The following PAK5 variants were observed in gnomAD, a reference collection of about 807,000 sequenced individuals.
The protein encoded by PAK5 is p21 (RAC1) activated kinase 5, also known as serine/threonine-protein kinase PAK 5.
PAK5 carries 16 observed loss-of-function variants against 65.9 expected under a neutral mutation model. The ratio of observed to expected loss-of-function variants is 0.24; its 90% CI spans 0.16 to 0.37. The LOEUF (loss-of-function observed/expected upper bound fraction) is 0.37. PAK5 is among the 10% of genes least tolerant of loss of function. The probability of loss-of-function intolerance (pLI) is 1.00; values close to 1 mark genes in which losing one functional copy is unlikely to be tolerated. For synonymous variants in PAK5, 371 were observed against 354.9 expected (o/e 1.05, Z -0.51); for missense variants, 785 against 903.9 (o/e 0.87, Z 1.69).
intron 2 of PAK5, among the ~76,000 whole-genome samples, chr20:9,678,890 T>C (rs1396243529): frequency 6.6e-6 from 1 of 152,150 alleles, no homozygotes. Context: ...CAATTCAAAA[T>C]GAGATTTGGG....
chr20:9,576,045 C>A (rs1182672554), intron 4 of PAK5, among the ~76,000 whole-genome samples: 2 of 152,234 alleles, frequency 1.3e-5, no homozygotes, highest in Admixed American at 6.5e-5. Flanking sequence ...ACACAGTAAC[C>A]CTCACCTCAC....
At chr20:9,581,417 C>A (rs1308259183) in intron 3 of PAK5, among the ~76,000 whole-genome samples, 1 of 152,080 alleles carries the variant, frequency 6.6e-6, no homozygotes, top group African/African-American at 2.4e-5. Flanking sequence ...ATTAACATAA[C>A]TAGAAATGGG....
At chr20:9,583,511 T>C (rs2031716510) in intron 3 of PAK5, among the ~76,000 whole-genome samples, 1 of 152,250 alleles carries the variant, frequency 6.6e-6, no homozygotes. Context: ...TAAGTTAGTG[T>C]CTTTTTTCCT....
intron 3 of PAK5, among the ~76,000 whole-genome samples, chr20:9,630,277 T>C (rs1424982240): frequency 3.9e-5 from 6 of 152,210 alleles, no homozygotes; most frequent in African/African-American, 9.6e-5. Flanking sequence ...AGTGAGACTG[T>C]AGAGCTCTTT....
At chr20:9,563,448 G>C (rs553035124) in intron 5 of PAK5, among the ~76,000 whole-genome samples, 1 of 152,312 alleles carries the variant, frequency 6.6e-6, no homozygotes, top group South Asian at 2.1e-4. Context: ...AGTCCCACAA[G>C]TGAATGAAGT....
At chr20:9,783,516 A>C (rs2048963487) in intron 1 of PAK5, among the ~76,000 whole-genome samples, 1 of 152,172 alleles carries the variant, frequency 6.6e-6, no homozygotes, top group African/African-American at 2.4e-5. Context: ...GGGAACTCTA[A>C]GAACTTCTCT....
At chr20:9,831,815 T>C (rs1401381730) in intron 1 of PAK5, among the ~76,000 whole-genome samples, 1 of 152,178 alleles carries the variant, frequency 6.6e-6, no homozygotes, top group African/African-American at 2.4e-5. Context: ...GCCTACTACA[T>C]TTTTTAAAAT....
At chr20:9,814,804 C>T (rs2049337920) in intron 1 of PAK5, among the ~76,000 whole-genome samples, 1 of 152,120 alleles carries the variant, frequency 6.6e-6, no homozygotes, top group African/African-American at 2.4e-5. Context: ...GGGTGGACAC[C>T]TGGAAGTCAT....
intron 1 of PAK5, among the ~76,000 whole-genome samples, chr20:9,766,875 T>G (rs889066090): frequency 6.6e-6 from 1 of 151,798 alleles, no homozygotes; most frequent in African/African-American, 2.4e-5. Context: ...AAGCTATATA[T>G]GCCTAACAAT....
chr20:9,674,595 G>T (rs1255955664), intron 2 of PAK5, among the ~76,000 whole-genome samples: 2 of 152,206 alleles, frequency 1.3e-5, no homozygotes, highest in African/African-American at 4.8e-5. Flanking sequence ...GGCAGACAAA[G>T]GAAGGCAAAA....
intron 3 of PAK5, among the ~76,000 whole-genome samples, chr20:9,627,614 T>G (rs2123213406): frequency 6.6e-6 from 1 of 152,146 alleles, no homozygotes; most frequent in Non-Finnish European, 1.5e-5. Flanking sequence ...CATTCAATGT[T>G]TTTTCTTTTC....
At chr20:9,790,152 A>G (rs1314505715) in intron 1 of PAK5, among the ~76,000 whole-genome samples, 2 of 152,114 alleles carry the variant, frequency 1.3e-5, no homozygotes, top group East Asian at 3.9e-4. Flanking sequence ...AACTTCCTCT[A>G]CGGGTCCTGC....
intron 1 of PAK5, among the ~76,000 whole-genome samples, chr20:9,766,475 GTATA>G (rs1295608256): frequency 2.8e-4 from 10 of 35,326 alleles, no homozygotes; most frequent in African/African-American, 2.1e-3. Context: ...GAATATATAT[GTATA>G]TATATATTCA....
chr20:9,597,793 G>A (rs114444461), intron 3 of PAK5, among the ~76,000 whole-genome samples: 2,565 of 152,192 alleles, frequency 0.017, 62 homozygotes, highest in African/African-American at 0.054. Context: ...TGAGAGACAC[G>A]AGGAACAGAG....
chr20:9,804,784 C>T (rs1342554083), intron 1 of PAK5, among the ~76,000 whole-genome samples: 1 of 152,088 alleles, frequency 6.6e-6, no homozygotes, highest in Non-Finnish European at 1.5e-5. Context: ...TGTGATGGCT[C>T]ATGTCTGTAA....
intron 1 of PAK5, among the ~76,000 whole-genome samples, chr20:9,768,511 G>A (rs997729970): frequency 8.5e-5 from 13 of 152,188 alleles, no homozygotes; most frequent in South Asian, 4.2e-4. Flanking sequence ...GGCCAGGCGC[G>A]GTGGCTCACA....
intron 2 of PAK5, among the ~76,000 whole-genome samples, chr20:9,685,376 C>T (rs1248842098): frequency 6.6e-6 from 1 of 152,086 alleles, no homozygotes; most frequent in African/African-American, 2.4e-5. Flanking sequence ...TTAGGTTGGG[C>T]CTTGATCCAA....
Position 9,765,632 on chromosome 20 carries a change from A to C in PAK5, c.-161-54197T>G, listed in dbSNP as rs148935126. 7.6e-3 allele frequency among the ~76,000 whole-genome samples: 1,154 copies of C among 152,172 alleles called. 47 individuals are homozygous for C. Among genetic ancestry groups the C allele is most frequent in the Admixed American group, 0.065 (990 of 15,292 alleles). On this transcript the variant is annotated intron_variant, in intron 1 of 9. Transcript: ENST00000353224. ...ACACCAAGAAACTGCAGATGCTGCA[A>C]ATCAACCCTCCTCCCATCAAGCCGC... is the stretch of plus-strand genomic sequence containing the variant.
intron 1 of PAK5, among the ~76,000 whole-genome samples, chr20:9,809,803 G>A (rs2049276905): frequency 6.6e-6 from 1 of 152,040 alleles, no homozygotes; most frequent in Non-Finnish European, 1.5e-5. Context: ...TAACATAACA[G>A]GTTTACCAGA....
Sources: gnomAD v4.1 joint callset for allele counts (sites outside exome capture counted in the v4.1 genomes callset) on GRCh38, gnomAD v4.1.1 for gene constraint, MANE v1.5 for transcripts, NCBI Gene and HGNC (gene_info 2026-07-23, HGNC 2026-07-21) for gene names.